METTL21A: variants seen among roughly 807,000 people sequenced by gnomAD.
The protein encoded by METTL21A is methyltransferase 21A, HSPA lysine.
A neutral mutation model predicts 20.9 loss-of-function variants in METTL21A; 22 were observed. That is an observed-to-expected ratio of 1.05 (90% confidence interval 0.75 to 1.50). METTL21A has a LOEUF of 1.50. Ranked by LOEUF, METTL21A falls within the 40% of genes most tolerant of loss-of-function variation. The probability of loss-of-function intolerance (pLI) is 0.00; values close to 1 mark genes in which losing one functional copy is unlikely to be tolerated. For missense variants in METTL21A, 271 were observed against 266.8 expected, an observed-to-expected ratio of 1.02 and a Z score of -0.11; for synonymous variants, 93 against 102.0, an observed-to-expected ratio of 0.91 and a Z score of 0.53.
At chr2:207,606,656 A>G (rs1208657009), downstream of METTL21A, among the ~76,000 whole-genome samples, 2 of 152,192 alleles carry the variant, frequency 1.3e-5, no homozygotes, top group African/African-American at 4.8e-5. Context: ...CTCTCTAGGT[A>G]GAGGTTCTGG....
At chr2:207,580,848 G>C (rs2106608734), downstream of METTL21A, 1 of 220,304 alleles carries the variant, frequency 4.5e-6, no homozygotes, top group South Asian at 1.8e-4. Flanking sequence ...CTAGGATCCT[G>C]GGCTAGATAG....
exon 4 of METTL21A, chr2:207,613,354 T>G: frequency 6.2e-7 from 1 of 1,613,720 alleles, no homozygotes; most frequent in Non-Finnish European, 8.5e-7. Context: ...ACAACAGTTT[T>G]AGTTTGGATA....
At chr2:207,596,850 G>C (rs1278960729) in intron 3 of METTL21A, 2 of 1,549,434 alleles carry the variant, frequency 1.3e-6, no homozygotes, top group African/African-American at 1.4e-5. Flanking sequence ...AAAAAAAAAA[G>C]GTAATCCAAA....
intron 2 of METTL21A, among the ~76,000 whole-genome samples, chr2:207,623,836 G>C (rs2107352266): frequency 6.6e-6 from 1 of 152,286 alleles, no homozygotes; most frequent in South Asian, 2.1e-4. Flanking sequence ...CTGGGCAACA[G>C]AACGAGACTA....
chr2:207,620,283 A>G (rs1052333508), intron 3 of METTL21A, among the ~76,000 whole-genome samples: 4 of 152,088 alleles, frequency 2.6e-5, no homozygotes, highest in Admixed American at 2.6e-4. Context: ...ATCTCTACCA[A>G]AAATAAAAAA....
At chr2:207,625,417 G>C (rs1038578841), upstream of METTL21A, 8 of 152,136 alleles carry the variant, frequency 5.3e-5, no homozygotes, top group African/African-American at 1.9e-4. Flanking sequence ...CCCAGCCTCC[G>C]GCAGGTGCCC....
chr2:207,608,566 G>A (rs1300722288), downstream of METTL21A, among the ~76,000 whole-genome samples: 1 of 152,016 alleles, frequency 6.6e-6, no homozygotes, highest in Non-Finnish European at 1.5e-5. Context: ...GGATATTATT[G>A]AAGCTCCCCA....
chr2:207,593,335 G>C (rs1204637928), intron 3 of METTL21A, among the ~76,000 whole-genome samples: 1 of 152,114 alleles, frequency 6.6e-6, no homozygotes, highest in Non-Finnish European at 1.5e-5. Context: ...AGACCTGTTT[G>C]GAAAACATAG....
At chr2:207,607,603 T>TA (rs1026446246), downstream of METTL21A, among the ~76,000 whole-genome samples, 3 of 147,432 alleles carry the variant, frequency 2.0e-5, no homozygotes, top group African/African-American at 7.6e-5. Context: ...TACCATGAAC[T>TA]AAAGCAAGCT....
At chr2:207,585,513 A>T (rs1161537523) in intron 3 of METTL21A, among the ~76,000 whole-genome samples, 1 of 152,208 alleles carries the variant, frequency 6.6e-6, no homozygotes, top group Non-Finnish European at 1.5e-5. Context: ...GACACAAGAA[A>T]CATAAAATAC....
intron 3 of METTL21A, 45 bp from the exon 4 acceptor site, chr2:207,613,488 TTC>T (rs1489110245): frequency 1.5e-5 from 22 of 1,508,740 alleles, no homozygotes; most frequent in Non-Finnish European, 1.9e-5. Flanking sequence ...ATCAGTACAA[TTC>T]TGTTAGGTAG....
intron 3 of METTL21A, among the ~76,000 whole-genome samples, chr2:207,618,744 GTC>G (rs141526481): frequency 2.0e-5 from 3 of 151,790 alleles, no homozygotes; most frequent in African/African-American, 7.2e-5. Context: ...TGTGAATGTG[GTC>G]TCTCTCTCTC....
intron 3 of METTL21A, among the ~76,000 whole-genome samples, chr2:207,586,841 G>T (rs943872804): frequency 6.6e-6 from 1 of 152,174 alleles, no homozygotes; most frequent in Non-Finnish European, 1.5e-5. Context: ...CCACAATGAA[G>T]TATCATTAGA....
chr2:207,614,570 T>C (rs2089438151), intron 3 of METTL21A, among the ~76,000 whole-genome samples: 1 of 152,184 alleles, frequency 6.6e-6, no homozygotes, highest in South Asian at 2.1e-4. Flanking sequence ...GTTTTACGTA[T>C]TTCTTGAAAA....
chr2:207,593,764 G>A (rs1400385161), intron 3 of METTL21A, among the ~76,000 whole-genome samples: 1 of 146,794 alleles, frequency 6.8e-6, no homozygotes, highest in Non-Finnish European at 1.5e-5. Flanking sequence ...TATCACCCAG[G>A]CTGGAGTGCA....
intron 3 of METTL21A, among the ~76,000 whole-genome samples, chr2:207,586,877 A>G (rs2083937003): frequency 6.6e-6 from 1 of 152,240 alleles, no homozygotes; most frequent in Admixed American, 6.5e-5. Context: ...CAAAAAGACA[A>G]GAAGTAACAA....
At chr2:207,621,008 G>T (rs956109486) in intron 3 of METTL21A, among the ~76,000 whole-genome samples, 1 of 152,118 alleles carries the variant, frequency 6.6e-6, no homozygotes, top group Admixed American at 6.6e-5. Flanking sequence ...CAGGTTCCCA[G>T]GCCCTGGTCC....
rs1255634601 is a variant in METTL21A at position 207,621,792 on chromosome 2, T to C, written c.259+14A>G. 3.7e-6 allele frequency: 6 copies of C among 1,608,022 alleles called. No individual in the cohort carries two copies. In the East Asian group the frequency reaches 1.1e-4, roughly 30 times the overall value. ...TGAGTTCTGCTCACTAAGGAGTCAA[T>C]GCATGACACTCACCCAGCAGGGCAG... On this transcript the variant is annotated intron_variant, in intron 3 of 3. Transcript: ENST00000406927.
chr2:207,613,285 T>C (rs2089230107), exon 4 of METTL21A: 28 of 1,614,116 alleles, frequency 1.7e-5, no homozygotes, highest in Non-Finnish European at 2.4e-5. Context: ...GCACCAAGTA[T>C]CAGGTCAAAT....
Sources: allele counts gnomAD v4.1 joint callset (sites outside exome capture counted in the v4.1 genomes callset), GRCh38; gene constraint gnomAD v4.1.1; transcripts MANE v1.5; gene names NCBI Gene and HGNC (gene_info 2026-07-23, HGNC 2026-07-21).